Variants in SUGCT observed in about 807,000 individuals in gnomAD.
The protein encoded by SUGCT is succinyl-CoA:glutarate CoA-transferase.
In SUGCT, 41 loss-of-function variants were observed where a neutral mutation model predicts 55.0. The observed-to-expected ratio is 0.74, with a 90% CI of 0.58 to 0.97. The LOEUF (loss-of-function observed/expected upper bound fraction) is 0.97. Ranked by LOEUF, SUGCT falls within the 50% of genes least tolerant of loss-of-function variation. SUGCT has a pLI of 0.00. For missense variants in SUGCT, 568 were observed against 547.8 expected (o/e 1.04, Z -0.37); for synonymous variants, 187 against 200.4 (o/e 0.93, Z 0.56).
chr7:40,435,941 TTTTC>T (rs1788150106), intron 9 of SUGCT, among the ~76,000 whole-genome samples: 1 of 114,672 alleles, frequency 8.7e-6, no homozygotes, highest in Non-Finnish European at 1.7e-5. Context: ...TTTTCTTTTC[TTTTC>T]TTTTTTTTTT....
chr7:40,262,495 CAAAAA>C (rs67739412), intron 7 of SUGCT, among the ~76,000 whole-genome samples: 1 of 122,094 alleles, frequency 8.2e-6, no homozygotes. Context: ...ACCGAAAATA[CAAAAA>C]AAAAAAAAAA....
chr7:40,836,574 C>A (rs896692173), intron 13 of SUGCT, among the ~76,000 whole-genome samples: 1 of 152,128 alleles, frequency 6.6e-6, no homozygotes, highest in African/African-American at 2.4e-5. Context: ...CACAAGGATC[C>A]CTCATTCTGC....
chr7:40,468,709 A>G (rs6958651), intron 11 of SUGCT, among the ~76,000 whole-genome samples: 45,335 of 151,228 alleles, frequency 0.3, 9,247 homozygotes, highest in African/African-American at 0.58. Flanking sequence ...AGGTTTTACC[A>G]TTAAAGATTT....
the SUGCT span, among the ~76,000 whole-genome samples, chr7:40,929,013 C>T: frequency 6.6e-6 from 1 of 151,976 alleles, no homozygotes; most frequent in East Asian, 1.9e-4. Flanking sequence ...ATACATGTGC[C>T]ATGTTGGTTT....
At chr7:40,792,836 C>G (rs1487162167) in intron 13 of SUGCT, among the ~76,000 whole-genome samples, 1 of 152,068 alleles carries the variant, frequency 6.6e-6, no homozygotes, top group Non-Finnish European at 1.5e-5. Context: ...AAGGTTAGAT[C>G]TAGTTGGAGT....
chr7:40,692,497 A>G (rs955711221), intron 12 of SUGCT, among the ~76,000 whole-genome samples: 1 of 152,180 alleles, frequency 6.6e-6, no homozygotes, highest in Non-Finnish European at 1.5e-5. Flanking sequence ...GTGAAGATGC[A>G]AAGGGTCTCG....
At chr7:40,518,348 A>G (rs1398825284) in intron 12 of SUGCT, among the ~76,000 whole-genome samples, 1 of 152,154 alleles carries the variant, frequency 6.6e-6, no homozygotes, top group Non-Finnish European at 1.5e-5. Context: ...TCAAATGGGT[A>G]TGGGCTAACA....
chr7:40,964,708 G>A, the SUGCT span: 2 of 152,210 alleles, frequency 1.3e-5, no homozygotes, highest in Non-Finnish European at 2.9e-5. Flanking sequence ...TTATTGATAT[G>A]CTGGGAGTAA....
intron 12 of SUGCT, among the ~76,000 whole-genome samples, chr7:40,550,692 G>A (rs1795250430): frequency 6.6e-6 from 1 of 152,210 alleles, no homozygotes; most frequent in Non-Finnish European, 1.5e-5. Flanking sequence ...AATCAAATAT[G>A]AATATACTTC....
At chr7:40,686,788 A>C (rs552364382) in intron 12 of SUGCT, among the ~76,000 whole-genome samples, 128 of 152,260 alleles carry the variant, frequency 8.4e-4, no homozygotes, top group Non-Finnish European at 1.5e-3. Flanking sequence ...GTGAATTTTC[A>C]GTTAATTGTC....
chr7:40,878,652 T>C, the SUGCT span, among the ~76,000 whole-genome samples: 1 of 152,182 alleles, frequency 6.6e-6, no homozygotes, highest in African/African-American at 2.4e-5. Flanking sequence ...TATCATTCTG[T>C]GTGCAGATGT....
At chr7:40,571,258 C>A (rs551420012) in intron 12 of SUGCT, among the ~76,000 whole-genome samples, 1 of 152,096 alleles carries the variant, frequency 6.6e-6, no homozygotes, top group Non-Finnish European at 1.5e-5. Flanking sequence ...AACAGCATCC[C>A]CAAAGCATTA....
intron 12 of SUGCT, among the ~76,000 whole-genome samples, chr7:40,570,084 C>T (rs1315277972): frequency 6.6e-6 from 1 of 152,140 alleles, no homozygotes; most frequent in African/African-American, 2.4e-5. Flanking sequence ...GGAAGTAGCT[C>T]AGTGGTGATT....
intron 10 of SUGCT, among the ~76,000 whole-genome samples, chr7:40,457,741 G>A (rs1354946531): frequency 6.6e-6 from 1 of 152,192 alleles, no homozygotes; most frequent in East Asian, 1.9e-4. Context: ...GGACACATGG[G>A]CATTCCAGTT....
chr7:40,755,083 G>A (rs188992760), intron 13 of SUGCT, among the ~76,000 whole-genome samples: 1 of 152,254 alleles, frequency 6.6e-6, no homozygotes, highest in East Asian at 1.9e-4. Context: ...CAGTGACCCC[G>A]AAGAGGGATC....
At chr7:40,346,201 G>A (rs55803016) in intron 9 of SUGCT, among the ~76,000 whole-genome samples, 2,208 of 151,958 alleles carry the variant, frequency 0.015, 47 homozygotes, top group South Asian at 0.059. Context: ...TAAATTATAC[G>A]TCTATTTATT....
At chr7:40,181,159 CAATT>C (rs1785180720) in intron 2 of SUGCT, among the ~76,000 whole-genome samples, 161 bp downstream of exon 2, 1 of 151,918 alleles carries the variant, frequency 6.6e-6, no homozygotes, top group Admixed American at 6.6e-5. Context: ...TTCTATGAGA[CAATT>C]AGTGTAGTAT....
the SUGCT span, among the ~76,000 whole-genome samples, chr7:40,948,644 CCT>C: frequency 6.6e-6 from 1 of 151,890 alleles, no homozygotes; most frequent in Non-Finnish European, 1.5e-5. Context: ...GTGATATTCC[CCT>C]GTCTTTGCCC....
downstream of SUGCT, among the ~76,000 whole-genome samples, chr7:40,862,150 A>G (rs531599531): frequency 3.9e-5 from 6 of 152,372 alleles, no homozygotes; most frequent in Admixed American, 3.9e-4. Flanking sequence ...AAACATACGT[A>G]GGATGATATT....
Sources: allele counts gnomAD v4.1 joint callset (sites outside exome capture counted in the v4.1 genomes callset), GRCh38; gene constraint gnomAD v4.1.1; transcripts MANE v1.5; gene names NCBI Gene and HGNC (gene_info 2026-07-23, HGNC 2026-07-21).